RLBP1: variants seen among roughly 807,000 people sequenced by gnomAD.
RLBP1 encodes retinaldehyde-binding protein 1.
In RLBP1, 26 loss-of-function variants were observed where a neutral mutation model predicts 36.2. The observed-to-expected ratio is 0.72, with a 90% CI of 0.53 to 1.00. RLBP1 has a LOEUF of 1.00. Ranked by LOEUF, RLBP1 falls within the 50% of genes least tolerant of loss-of-function variation. The pLI is 0.00. For missense variants in RLBP1, 410 were observed against 402.4 expected (o/e 1.02, Z -0.16); for synonymous variants, 155 against 156.2 (o/e 0.99, Z 0.06).
rs1167844757 is a variant in RLBP1 at position 89,214,804 on chromosome 15, G to C, written c.525+256C>G. Among the ~76,000 whole-genome samples the C allele has an allele frequency of 3.3e-5, 5 of 152,340 alleles. No homozygotes were observed. The highest frequency in any genetic ancestry group is 1.2e-4 in the African/African-American group (5 of 41,578). Reference sequence around the variant, plus strand: ...AGCTGTTACCCCCACTTGGCACTTGGCAGGGATACCCAGGAAGAGCCATGT... The same window carrying C: ...AGCTGTTACCCCCACTTGGCACTTGCCAGGGATACCCAGGAAGAGCCATGT... On this transcript the variant is annotated intron_variant, in intron 6 of 8. Coordinates refer to ENST00000268125, the MANE Select transcript of RLBP1 (RefSeq NM_000326.5). The surrounding 1 kb of genome is among the most constrained non-coding windows in gnomAD (Gnocchi z 4.6).
Position 89,218,496 on chromosome 15 carries a change from A to T in RLBP1, c.141+69T>A. Reference sequence around the variant, plus strand: ...AGGCTGGACCCTTTTCACAGGAGAGAGAATGCAGTCATGTTCCCCTCATGT... The same window carrying T: ...AGGCTGGACCCTTTTCACAGGAGAGTGAATGCAGTCATGTTCCCCTCATGT... On this transcript the variant is annotated intron_variant, in intron 4 of 8. Transcript: ENST00000268125. The surrounding 1 kb of genome is among the most constrained non-coding windows in gnomAD (Gnocchi z 4.6). The T allele has an allele frequency of 1.2e-6, 2 of 1,606,368 alleles. No homozygotes were observed. The highest frequency in any genetic ancestry group is 1.7e-6 in the Non-Finnish European group (2 of 1,174,352).
At position 89,215,123 on chromosome 15, in the gene RLBP1, A is replaced by G. The variant is rs2051568716; in HGVS notation, c.462T>C (p.Tyr154=). 8 of 1,614,132 alleles carry G rather than the reference A, an allele frequency of 5.0e-6. 1 individual carries two copies. Among genetic ancestry groups the G allele is most frequent in the Admixed American group, 1.7e-5 (1 of 60,006 alleles). The change falls in exon 6 of 9, where the codon TAT becomes TAC. Residue 154 remains tyrosine (Y), a synonymous_variant. Coordinates refer to ENST00000268125, the MANE Select transcript of RLBP1 (RefSeq NM_000326.5). ...TGTTGAAGAGCATGACCACTCGGCC[A>G]TACTTGTCCCGACTAGAGAGGACAC... ...YPGVLSSRDK[Y]GRVVMLFNIE... is the part of the protein sequence containing the mutation.
Position 89,210,839 on chromosome 15 carries a change from C to A in RLBP1, c.685-30G>T. ...GGTGACAGAGAGATACCCCGTTCCCCATGGCCCCAGTGACCTCAGAGGCTC... is the reference window on the plus strand; with the variant it reads ...GGTGACAGAGAGATACCCCGTTCCCAATGGCCCCAGTGACCTCAGAGGCTC... On this transcript the variant is annotated intron_variant, in intron 7 of 8. Coordinates refer to ENST00000268125, the MANE Select transcript of RLBP1 (RefSeq NM_000326.5). This position sits in a 1 kb window ranked among gnomAD's most constrained non-coding sequence, Gnocchi z 4.7. 6.8e-7 allele frequency: 1 copy of A among 1,477,602 alleles called. No individual in the cohort carries two copies. Among genetic ancestry groups the A allele is most frequent in the East Asian group, 2.5e-5 (1 of 40,718 alleles). 91.5% of individuals were successfully genotyped at this position (1,477,602 alleles called of 1,614,324 possible).
intron 6 of RLBP1, among the ~76,000 whole-genome samples, chr15:89,213,898 C>A (rs1369774960): frequency 2.6e-5 from 4 of 152,090 alleles, no homozygotes; most frequent in Admixed American, 2.6e-4. Flanking sequence ...AATAAACATG[C>A]AAAAGTAGCT....
At position 89,210,517 on chromosome 15, in the gene RLBP1, G is replaced by T; in HGVS notation, c.796-74C>A. The T allele has an allele frequency of 6.5e-7, 1 of 1,540,534 alleles. No homozygotes were observed. ...GGATGAGGGTTGAGGGAGGAAAGGG[G>T]CAGGAGGACAAAGCCCCATCATGTG... On this transcript the variant is annotated intron_variant, in intron 8 of 8. Transcript: ENST00000268125. This position sits in a 1 kb window ranked among gnomAD's most constrained non-coding sequence, Gnocchi z 4.7.
Position 89,219,107 on chromosome 15 carries a change from G to A in RLBP1, c.-100-32C>T, listed in dbSNP as rs572250882. ...GGGTTAGAAAAACCATTCTGTTATT[G>A]TCTCAGAACTGTGGATCTCAAACTT... On this transcript the variant is annotated intron_variant, in intron 2 of 8. Coordinates refer to ENST00000268125, the MANE Select transcript of RLBP1 (RefSeq NM_000326.5). The A allele has an allele frequency of 8.8e-6, 9 of 1,025,646 alleles. No homozygotes were observed. In the African/African-American group the frequency reaches 1.4e-4, roughly 16 times the overall value. The allele number at this position is 1,025,646 out of a possible 1,614,324, so 63.5% of individuals were successfully genotyped here. A position where few individuals can be genotyped will look rare whatever the true frequency, so the allele number is the denominator to read the frequency against.
rs2051567541 is a variant in RLBP1, at chr15:89,215,044, G to T, written c.525+16C>A. 1 of 1,613,620 alleles carries T rather than the reference G, an allele frequency of 6.2e-7. No homozygotes were observed. The highest frequency in any genetic ancestry group is 8.5e-7 in the Non-Finnish European group (1 of 1,179,548). On this transcript the variant is annotated intron_variant, in intron 6 of 8. Coordinates refer to ENST00000268125, the MANE Select transcript of RLBP1 (RefSeq NM_000326.5). Reference sequence around the variant, plus strand: ...ACCCAGCCCACAGGGTGGGAGCCAGGCGAGCCCCCACTAACCTCATCAAAG... The same window carrying T: ...ACCCAGCCCACAGGGTGGGAGCCAGTCGAGCCCCCACTAACCTCATCAAAG...
chr15:89,218,512 C>T lies in RLBP1; in HGVS notation c.141+53G>A. 6.2e-7 allele frequency: 1 copy of T among 1,612,636 alleles called. No individual in the cohort carries two copies. Among genetic ancestry groups the T allele is most frequent in the South Asian group, 1.1e-5 (1 of 90,928 alleles). ...ACAGGAGAGAGAATGCAGTCATGTT[C>T]CCCTCATGTTGCCTCCCTAGGCTGC... On this transcript the variant is annotated intron_variant, in intron 4 of 8. Transcript: ENST00000268125. The surrounding 1 kb of genome is among the most constrained non-coding windows in gnomAD (Gnocchi z 4.6).
rs1596183405 is a variant in RLBP1 at position 89,215,355 on chromosome 15, C to T, written c.347-117G>A. ...CAGGTCCTATGTGTGACCGAGCTGG[C>T]TACTCAACCTATCCGAGCCCCATGT... On this transcript the variant is annotated intron_variant, in intron 5 of 8. Coordinates refer to ENST00000268125, the MANE Select transcript of RLBP1 (RefSeq NM_000326.5). 8.8e-6 allele frequency: 8 copies of T among 905,220 alleles called. No individual in the cohort carries two copies. In the East Asian group the frequency reaches 2.1e-4, roughly 23 times the overall value. The allele number at this position is 905,220 out of a possible 1,614,324, so 56.1% of individuals were successfully genotyped here.
rs976260195 is a variant in RLBP1, at chr15:89,218,865, G to C, written c.12+99C>G. ...ATAGAAGTGTGTGCCTATATTCCCG[G>C]GCAGAGCATAAGATAGAGAAGTAAG... On this transcript the variant is annotated intron_variant, in intron 3 of 8. Coordinates refer to ENST00000268125, the MANE Select transcript of RLBP1 (RefSeq NM_000326.5). This position sits in a 1 kb window ranked among gnomAD's most constrained non-coding sequence, Gnocchi z 4.6. 7 of 1,525,440 alleles carry C rather than the reference G, an allele frequency of 4.6e-6. No individual in the cohort carries two copies. In the African/African-American group the frequency reaches 6.8e-5, roughly 15 times the overall value. 94.5% of individuals were successfully genotyped at this position (1,525,440 alleles called of 1,614,324 possible). A position where few individuals can be genotyped will look rare whatever the true frequency, so the allele number is the denominator to read the frequency against.
At position 89,211,953 on chromosome 15, in the gene RLBP1, G is replaced by A. The variant is rs368257179; in HGVS notation, c.526-52C>T. ...AGATCTAACCCGCAACAATAATTAA[G>A]GCTTGAGGTCCTGAGGGGAGAGCTA... On this transcript the variant is annotated intron_variant, in intron 6 of 8. Transcript: ENST00000268125. The surrounding 1 kb of genome is among the most constrained non-coding windows in gnomAD (Gnocchi z 5.8). The A allele has an allele frequency of 1.1e-4, 181 of 1,599,078 alleles. No individual in the cohort carries two copies. In the African/African-American group the frequency reaches 2.2e-3, roughly 19 times the overall value.
In RLBP1 at chr15:89,218,470, G is replaced by A. The variant is rs893211065; in HGVS notation, c.141+95C>T. The A allele has an allele frequency of 4.3e-5, 67 of 1,573,266 alleles. No homozygotes were observed. The highest frequency in any genetic ancestry group is 8.4e-5 in the Admixed American group (5 of 59,858). On this transcript the variant is annotated intron_variant, in intron 4 of 8. Coordinates refer to ENST00000268125, the MANE Select transcript of RLBP1 (RefSeq NM_000326.5). The surrounding 1 kb of genome is among the most constrained non-coding windows in gnomAD (Gnocchi z 4.6). The stretch of plus-strand genomic sequence containing the variant: ...CAGGTCCAGGATGATCTGGAGTGCC[G>A]AGGCTGGACCCTTTTCACAGGAGAG...
At position 89,209,985 on chromosome 15, in the gene RLBP1, A is replaced by G. The variant is rs1439379423; in HGVS notation, c.*300T>C. ...GTCGTAAAACTCTGTTACAAAGGAA[A>G]TGACTGAGAAAATGAATTCGAGTCT... On this transcript the variant is annotated 3_prime_UTR_variant, in exon 9 of 9. Coordinates refer to ENST00000268125, the MANE Select transcript of RLBP1 (RefSeq NM_000326.5). 6.7e-6 allele frequency: 3 copies of G among 449,372 alleles called. No individual in the cohort carries two copies. Among genetic ancestry groups the G allele is most frequent in the Admixed American group, 3.5e-5 (1 of 28,526 alleles). 27.8% of individuals were successfully genotyped at this position (449,372 alleles called of 1,614,324 possible).
intron 1 of RLBP1, among the ~76,000 whole-genome samples, chr15:89,220,625 G>A (rs1488570868): frequency 1.3e-5 from 2 of 152,296 alleles, no homozygotes; most frequent in East Asian, 3.9e-4. Flanking sequence ...CTGGCTGGTA[G>A]ACATCCAGGT....
chr15:89,219,234 A>C (rs781707426), intron 2 of RLBP1, among the ~76,000 whole-genome samples, 159 bp from the exon 3 acceptor site: 1 of 152,162 alleles, frequency 6.6e-6, no homozygotes, highest in Non-Finnish European at 1.5e-5. Flanking sequence ...TGGCCTAGGA[A>C]CCTGCAATTT....
At position 89,217,378 on chromosome 15, in the gene RLBP1, G is replaced by C; in HGVS notation, c.142-54C>G. On this transcript the variant is annotated intron_variant, in intron 4 of 8. Coordinates refer to ENST00000268125, the MANE Select transcript of RLBP1 (RefSeq NM_000326.5). Reference sequence around the variant, plus strand: ...TAAACTTAGGTGCGGGTGAGGGGCAGGACACACAGGTGATGAGTCTCCTGC... The same window carrying C: ...TAAACTTAGGTGCGGGTGAGGGGCACGACACACAGGTGATGAGTCTCCTGC... The C allele has an allele frequency of 7.1e-6, 11 of 1,550,978 alleles. No homozygotes were observed. The South Asian group carries it at 1.2e-4, about 17-fold the overall frequency.
Position 89,210,408 on chromosome 15 carries a change from G to A in RLBP1, c.831C>T (p.Tyr277=). ...FVHGDDLSGF[Y]QEIDENILPS... ...GCAGGATGTTCTCATCGATCTCCTGGTAGAAACCAGAAAGGTCATCCCCGT... is the reference window on the plus strand; with the variant it reads ...GCAGGATGTTCTCATCGATCTCCTGATAGAAACCAGAAAGGTCATCCCCGT... Residue 277 remains tyrosine, a synonymous_variant, in exon 9 of 9, where the codon TAC becomes TAT. Transcript: ENST00000268125. This position sits in a 1 kb window ranked among gnomAD's most constrained non-coding sequence, Gnocchi z 4.7. 1.2e-6 allele frequency: 2 copies of A among 1,614,240 alleles called. No homozygotes were observed. Among genetic ancestry groups the A allele is most frequent in the Non-Finnish European group, 1.7e-6 (2 of 1,180,048 alleles).
Position 89,218,952 on chromosome 15 carries a change from C to T in RLBP1, c.12+12G>A, listed in dbSNP as rs1403444825. 6.2e-7 allele frequency: 1 copy of T among 1,613,710 alleles called. No homozygotes were observed. The highest frequency in any genetic ancestry group is 8.5e-7 in the Non-Finnish European group (1 of 1,179,822). On this transcript the variant is annotated intron_variant, in intron 3 of 8. Coordinates refer to ENST00000268125, the MANE Select transcript of RLBP1 (RefSeq NM_000326.5). This position sits in a 1 kb window ranked among gnomAD's most constrained non-coding sequence, Gnocchi z 4.6. Reference sequence around the variant, plus strand: ...GTGGGTGGAGGAGAGCCCTGGAGGACAGGGTACTTACCCCTTCTGACATGT... The same window carrying T: ...GTGGGTGGAGGAGAGCCCTGGAGGATAGGGTACTTACCCCTTCTGACATGT...
intron 5 of RLBP1, among the ~76,000 whole-genome samples, chr15:89,216,386 G>C (rs1424702199): frequency 6.6e-6 from 1 of 151,514 alleles, no homozygotes; most frequent in African/African-American, 2.4e-5. Context: ...GCAATGGCAC[G>C]ATCTCAGCTC....
Sources: allele counts gnomAD v4.1 joint callset (sites outside exome capture counted in the v4.1 genomes callset), GRCh38; gene constraint gnomAD v4.1.1; non-coding constraint Gnocchi (gnomAD v3.1); transcripts MANE v1.5; gene names NCBI Gene and HGNC (gene_info 2026-07-23, HGNC 2026-07-21).